The following APP variants were observed in gnomAD, a reference collection of about 807,000 sequenced individuals.
The protein encoded by APP is amyloid beta precursor protein.
Under a neutral mutation model 101.4 loss-of-function variants are expected in APP, and 31 were observed. The ratio of observed to expected loss-of-function variants is 0.31; its 90% CI spans 0.23 to 0.41. The LOEUF (loss-of-function observed/expected upper bound fraction) is 0.41, where lower values mean the gene tolerates loss of function less well. Among genes scored for constraint, APP ranks in the 10% least tolerant of loss-of-function variants. The pLI is 1.00. For synonymous variants in APP, 366 were observed against 364.4 expected, an observed-to-expected ratio of 1.00 and a Z score of -0.05; for missense variants, 839 against 1,003.7, an observed-to-expected ratio of 0.84 and a Z score of 2.22.
At chr21:26,112,272 T>C (rs552582690) in intron 1 of APP, 126 bp from the exon 2 acceptor site, 1 of 925,556 alleles carries the variant, frequency 1.1e-6, no homozygotes, top group African/African-American at 1.6e-5. Context: ...ATCAGCCCGG[T>C]CTTCAACACT....
chr21:25,975,204 A>C lies in APP; in HGVS notation c.1324T>G (p.Leu442Val). ...IQHFQEKVESLEQEAANERQQ... is the reference protein window; with the variant it reads ...IQHFQEKVESVEQEAANERQQ... ...CTCTCGTTGGCTGCTTCCTGTTCCA[A>C]AGATTCCACTTTCTCCTGGAAATGC... The change falls in exon 11 of 18, where the codon TTG becomes GTG. Residue 442 changes from leucine to valine, a missense_variant. Leu to Val is a conservative substitution (Grantham distance 32). Coordinates refer to ENST00000346798, the MANE Select transcript of APP (RefSeq NM_000484.4). The C allele has an allele frequency of 6.2e-7, 1 of 1,614,128 alleles. No individual in the cohort carries two copies. The highest frequency in any genetic ancestry group is 8.5e-7 in the Non-Finnish European group (1 of 1,180,012).
chr21:26,161,958 A>G (rs1446896431), intron 1 of APP, among the ~76,000 whole-genome samples: 1 of 152,224 alleles, frequency 6.6e-6, no homozygotes, highest in Non-Finnish European at 1.5e-5. Flanking sequence ...ACAGTTAAGA[A>G]ACAGTGCTTA....
intron 11 of APP, among the ~76,000 whole-genome samples, chr21:25,961,732 G>T (rs1192703736): frequency 6.6e-6 from 1 of 152,084 alleles, no homozygotes; most frequent in Admixed American, 6.6e-5. Flanking sequence ...CTTCATACAG[G>T]AATGGTAGGG....
chr21:26,060,458 C>G (rs986725169), intron 3 of APP, among the ~76,000 whole-genome samples: 3 of 152,182 alleles, frequency 2.0e-5, no homozygotes, highest in African/African-American at 7.2e-5. Flanking sequence ...TCCACTAACT[C>G]TTCACTGCAT....
intron 13 of APP, among the ~76,000 whole-genome samples, chr21:25,938,903 T>C (rs1237001408): frequency 6.6e-6 from 1 of 152,144 alleles, no homozygotes; most frequent in East Asian, 1.9e-4. Flanking sequence ...AAGCCCACAT[T>C]AACAAGGCCT....
Position 26,028,753 on chromosome 21 carries a change from C to A in APP, c.663-6711G>T, listed in dbSNP as rs576495914. On this transcript the variant is annotated intron_variant, in intron 5 of 17. Transcript: ENST00000346798. ...AATATTCGCTGTGCTTTACCAAGTG[C>A]CAGTACTATTCCAGGTAGTGAAGAT... 2.6e-5 allele frequency among the ~76,000 whole-genome samples: 4 copies of A among 152,220 alleles called. No individual in the cohort carries two copies. In the East Asian group the frequency reaches 7.7e-4, roughly 29 times the overall value.
chr21:26,037,835 A>G (rs1435081428), intron 5 of APP, among the ~76,000 whole-genome samples: 2 of 152,256 alleles, frequency 1.3e-5, no homozygotes, highest in Non-Finnish European at 2.9e-5. Flanking sequence ...AACCATTAAC[A>G]TTCAAATGAC....
chr21:26,033,739 G>A (rs2044953489), intron 5 of APP, among the ~76,000 whole-genome samples: 2 of 152,206 alleles, frequency 1.3e-5, no homozygotes, highest in African/African-American at 2.4e-5. Context: ...ATAGGTGGAG[G>A]AGCGACAGTT....
At chr21:26,167,256 G>T (rs1050263493) in intron 1 of APP, among the ~76,000 whole-genome samples, 2 of 152,180 alleles carry the variant, frequency 1.3e-5, no homozygotes, top group African/African-American at 4.8e-5. Flanking sequence ...CTGGGAGTAA[G>T]GGGAGGGAGG....
At chr21:26,072,943 AT>A (rs1212853981) in intron 3 of APP, among the ~76,000 whole-genome samples, 5 of 152,174 alleles carry the variant, frequency 3.3e-5, no homozygotes, top group African/African-American at 1.2e-4. Flanking sequence ...AGAAGTCTGA[AT>A]TTGCCATTTT....
At chr21:26,146,469 T>C (rs540479889) in intron 1 of APP, among the ~76,000 whole-genome samples, 1 of 152,384 alleles carries the variant, frequency 6.6e-6, no homozygotes, top group South Asian at 2.1e-4. Context: ...ATAGGTTTAT[T>C]GGCTGTGTAT....
At chr21:26,114,174 T>C (rs2062386641) in intron 1 of APP, among the ~76,000 whole-genome samples, 1 of 152,216 alleles carries the variant, frequency 6.6e-6, no homozygotes, top group Non-Finnish European at 1.5e-5. Flanking sequence ...TACTTTTGTT[T>C]ATCCACAATC....
In APP at chr21:25,880,575, A is replaced by T. The variant is rs1163855709; in HGVS notation, c.*1095T>A. On this transcript the variant is annotated 3_prime_UTR_variant, in exon 18 of 18. Coordinates refer to ENST00000346798, the MANE Select transcript of APP (RefSeq NM_000484.4). ...TGCTCCTCCAAGAATGTATTTATTT[A>T]CATGAAAACACCATTTTATACAAAT... 1 of 152,242 alleles carries T rather than the reference A, an allele frequency of 6.6e-6. No homozygotes were observed. Among genetic ancestry groups the T allele is most frequent in the South Asian group, 2.1e-4 (1 of 4,834 alleles). The allele number at this position is 152,242 out of a possible 1,614,324, so 9.4% of individuals were successfully genotyped here.
chr21:25,937,311 C>A (rs1479111203), intron 13 of APP, among the ~76,000 whole-genome samples: 1 of 152,192 alleles, frequency 6.6e-6, no homozygotes, highest in Admixed American at 6.5e-5. Flanking sequence ...CTGCAAAATT[C>A]ATCTCCTACT....
chr21:25,938,168 G>A, intron 13 of APP, among the ~76,000 whole-genome samples: 1 of 152,056 alleles, frequency 6.6e-6, no homozygotes, highest in Non-Finnish European at 1.5e-5. Flanking sequence ...GTCTTATCTT[G>A]GATAAATAAA....
chr21:25,988,241 G>A lies in APP; in HGVS notation c.1091-5764C>T, dbSNP rs2042712475. Among the ~76,000 whole-genome samples, 3 of 152,168 alleles carry A rather than the reference G, an allele frequency of 2.0e-5. No homozygotes were observed. The South Asian group carries it at 6.2e-4, about 31-fold the overall frequency. On this transcript the variant is annotated intron_variant, in intron 8 of 17. Transcript: ENST00000346798. ...CTAAAGAAGCAAGAGAGGAAGTAGT[G>A]GGAGAGGCAGGGAAGAAATGGGGGA... is the stretch of plus-strand genomic sequence containing the variant.
chr21:26,151,511 G>A (rs1280756655), intron 1 of APP, among the ~76,000 whole-genome samples: 1 of 151,956 alleles, frequency 6.6e-6, no homozygotes, highest in Non-Finnish European at 1.5e-5. Flanking sequence ...AGACCACCAT[G>A]CGTAACACTA....
At chr21:26,101,042 T>TA (rs2062043727) in intron 2 of APP, among the ~76,000 whole-genome samples, 3 of 151,114 alleles carry the variant, frequency 2.0e-5, no homozygotes, top group African/African-American at 4.9e-5. Context: ...TGCATGTTAT[T>TA]AAAAGAATAG....
intron 15 of APP, among the ~76,000 whole-genome samples, chr21:25,904,753 AAG>A (rs1300743899): frequency 6.6e-6 from 1 of 151,652 alleles, no homozygotes; most frequent in Non-Finnish European, 1.5e-5. Flanking sequence ...TTAAAGAAAA[AAG>A]AAAAAAAAAA....
Sources: allele counts gnomAD v4.1 joint callset (sites outside exome capture counted in the v4.1 genomes callset), GRCh38; gene constraint gnomAD v4.1.1; transcripts MANE v1.5; gene names NCBI Gene and HGNC (gene_info 2026-07-23, HGNC 2026-07-21).